The following ELAPOR1 variants were observed in gnomAD, a reference collection of about 807,000 sequenced individuals.
ELAPOR1 encodes the protein endosome/lysosome-associated apoptosis and autophagy regulator 1.
A neutral mutation model predicts 119.7 loss-of-function variants in ELAPOR1; 77 were observed. The ratio of observed to expected loss-of-function variants is 0.64; its 90% CI spans 0.54 to 0.78. ELAPOR1 has a LOEUF of 0.78. Among genes scored for constraint, ELAPOR1 ranks in the 30% least tolerant of loss-of-function variants. ELAPOR1 has a pLI of 0.00. For missense variants in ELAPOR1, 1,115 were observed against 1,270.4 expected, an observed-to-expected ratio of 0.88 and a Z score of 1.86; for synonymous variants, 481 against 487.2, an observed-to-expected ratio of 0.99 and a Z score of 0.17.
Position 109,198,673 on chromosome 1 carries a change from G to A in ELAPOR1, c.2500G>A (p.Gly834Arg). Reference sequence around the variant, plus strand: ...TGTCCCTGGAAGTTTGCTGCTGCCAGGGTAAGCCCTGCAAAGGGATGTAAC... The same window carrying A: ...TGTCCCTGGAAGTTTGCTGCTGCCAAGGTAAGCCCTGCAAAGGGATGTAAC... ...KTVPGSLLLP[G>R]TCSDGTCDGC... is the part of the protein sequence containing the mutation. Residue 834 changes from glycine to arginine, a missense_variant and splice_region_variant, in exon 18 of 22, where the codon GGA becomes AGA. Transcript: ENST00000369939. The A allele has an allele frequency of 6.2e-7, 1 of 1,612,424 alleles. No homozygotes were observed. The highest frequency in any genetic ancestry group is 1.1e-5 in the South Asian group (1 of 90,430).
intron 1 of ELAPOR1, among the ~76,000 whole-genome samples, chr1:109,126,019 T>C (rs1313110741): frequency 2.0e-5 from 3 of 152,156 alleles, no homozygotes; most frequent in African/African-American, 7.2e-5. Flanking sequence ...ACTTAGGTGG[T>C]CCCAGGGAGA....
chr1:109,160,891 C>G (rs1259079413), intron 1 of ELAPOR1, among the ~76,000 whole-genome samples: 1 of 152,162 alleles, frequency 6.6e-6, no homozygotes, highest in Non-Finnish European at 1.5e-5. Flanking sequence ...CTGAGTGGAA[C>G]TGTTTGTTGT....
At chr1:109,170,066 C>T (rs1328053863) in intron 3 of ELAPOR1, among the ~76,000 whole-genome samples, 1 of 152,224 alleles carries the variant, frequency 6.6e-6, no homozygotes, top group African/African-American at 2.4e-5. Context: ...GAAGTCCCTT[C>T]CTTCCCAAAG....
chr1:109,130,151 A>T (rs564348906), intron 1 of ELAPOR1, among the ~76,000 whole-genome samples: 11 of 152,278 alleles, frequency 7.2e-5, no homozygotes, highest in African/African-American at 2.4e-4. Flanking sequence ...ATCCTAATCC[A>T]TTAGGACTTC....
At chr1:109,186,411 C>T in intron 8 of ELAPOR1, 1 of 769,114 alleles carries the variant, frequency 1.3e-6, no homozygotes, top group Non-Finnish European at 1.6e-6. Context: ...ATGCTTGGCT[C>T]TTAGGGAGCA....
intron 3 of ELAPOR1, among the ~76,000 whole-genome samples, chr1:109,170,821 A>G (rs1168013332): frequency 6.6e-6 from 1 of 152,178 alleles, no homozygotes; most frequent in Non-Finnish European, 1.5e-5. Flanking sequence ...GCTGGTTCAT[A>G]GATGGTGTGG....
At chr1:109,161,206 T>C (rs867609150) in intron 1 of ELAPOR1, among the ~76,000 whole-genome samples, 1 of 151,686 alleles carries the variant, frequency 6.6e-6, no homozygotes, top group African/African-American at 2.4e-5. Context: ...AGTCAGGAGT[T>C]TGAGACCAGC....
At chr1:109,122,060 C>T (rs1648457984) in intron 1 of ELAPOR1, among the ~76,000 whole-genome samples, 1 of 150,858 alleles carries the variant, frequency 6.6e-6, no homozygotes, top group East Asian at 1.9e-4. Flanking sequence ...GCATGAGCCA[C>T]CACAGCTGGC....
At chr1:109,128,927 A>G (rs1648966993) in intron 1 of ELAPOR1, among the ~76,000 whole-genome samples, 1 of 152,200 alleles carries the variant, frequency 6.6e-6, no homozygotes, top group Non-Finnish European at 1.5e-5. Flanking sequence ...AGAAATCATC[A>G]GTTTCTTAAA....
At chr1:109,165,315 G>A (rs991667329) in intron 3 of ELAPOR1, among the ~76,000 whole-genome samples, 6 of 151,924 alleles carry the variant, frequency 3.9e-5, no homozygotes, top group Admixed American at 1.3e-4. Flanking sequence ...GGCAGGGCGC[G>A]GTGGCTCACG....
intron 7 of ELAPOR1, among the ~76,000 whole-genome samples, chr1:109,183,251 G>A (rs1049995842): frequency 6.7e-6 from 1 of 149,868 alleles, no homozygotes. Context: ...CTTTGGGTGG[G>A]TGGCTGAGGT....
At chr1:109,171,809 C>T (rs1307833104) in intron 3 of ELAPOR1, 57 bp from the exon 4 acceptor site, 1 of 1,585,650 alleles carries the variant, frequency 6.3e-7, no homozygotes, top group Admixed American at 1.7e-5. Flanking sequence ...CTGCACATGG[C>T]ACAAAGCCTG....
intron 1 of ELAPOR1, among the ~76,000 whole-genome samples, chr1:109,120,940 CT>C (rs1648367758): frequency 6.6e-6 from 1 of 152,178 alleles, no homozygotes; most frequent in South Asian, 2.1e-4. Context: ...TAGGTAACAT[CT>C]TAGGGTAAAA....
chr1:109,128,168 T>C (rs891939224), intron 1 of ELAPOR1, among the ~76,000 whole-genome samples: 2 of 152,150 alleles, frequency 1.3e-5, no homozygotes, highest in Non-Finnish European at 2.9e-5. Context: ...CCACTGCACC[T>C]GGCCTTATTA....
intron 1 of ELAPOR1, among the ~76,000 whole-genome samples, chr1:109,115,518 G>A (rs769001235): frequency 6.6e-6 from 1 of 152,072 alleles, no homozygotes; most frequent in African/African-American, 2.4e-5. Flanking sequence ...GGGCTCAAGC[G>A]ACTTCCCACC....
chr1:109,164,768 C>T (rs1036925790), intron 3 of ELAPOR1, 77 bp downstream of exon 3: 62 of 1,373,644 alleles, frequency 4.5e-5, no homozygotes, highest in African/African-American at 2.7e-4. Flanking sequence ...CAGCCTCCTC[C>T]GCTGCCCCTC....
intron 7 of ELAPOR1, 34 bp downstream of exon 7, chr1:109,173,871 T>G (rs752451878): frequency 1.9e-6 from 3 of 1,609,378 alleles, no homozygotes; most frequent in Non-Finnish European, 8.5e-7. Flanking sequence ...AGTTTGGGGA[T>G]AGAGAGTACC....
intron 1 of ELAPOR1, among the ~76,000 whole-genome samples, chr1:109,122,101 G>A (rs142221594): frequency 0.011 from 1,577 of 143,164 alleles, 26 homozygotes; most frequent in African/African-American, 0.039. Context: ...ACAGAGTCTT[G>A]CTCTGTCACT....
chr1:109,118,083 C>T (rs529198265), intron 1 of ELAPOR1, among the ~76,000 whole-genome samples: 13 of 151,616 alleles, frequency 8.6e-5, no homozygotes, highest in South Asian at 4.2e-4. Flanking sequence ...ACTGAGATTA[C>T]GCCATTGTAC....
Sources: gnomAD v4.1 joint callset for allele counts (sites outside exome capture counted in the v4.1 genomes callset) on GRCh38, gnomAD v4.1.1 for gene constraint, MANE v1.5 for transcripts, NCBI Gene and HGNC (gene_info 2026-07-23, HGNC 2026-07-21) for gene names.